The following PLIN5 variants were observed in gnomAD, a reference collection of about 807,000 sequenced individuals.
PLIN5 encodes perilipin-5.
PLIN5 carries 34 observed loss-of-function variants against 32.8 expected under a neutral mutation model. That is an observed-to-expected ratio of 1.04 (90% CI 0.79 to 1.38). The LOEUF (loss-of-function observed/expected upper bound fraction) is 1.38. Among genes scored for constraint, PLIN5 ranks in the 40% most tolerant of loss-of-function variants. PLIN5 has a pLI of 0.00. For missense variants in PLIN5, 712 were observed against 660.5 expected (o/e 1.08, Z -0.85); for synonymous variants, 309 against 292.9 (o/e 1.05, Z -0.56).
chr19:4,532,670 A>T (rs764118503), intron 2 of PLIN5: 4 of 151,726 alleles, frequency 2.6e-5, no homozygotes, highest in South Asian at 2.1e-4. Context: ...CCTGGTCACA[A>T]TTTTTTTGTT....
intron 5 of PLIN5, 137 bp downstream of exon 5, chr19:4,528,936 A>C: frequency 7.8e-6 from 7 of 897,584 alleles, no homozygotes; most frequent in Non-Finnish European, 1.2e-5. Flanking sequence ...GAGGGAGGAC[A>C]GGCCTGGTTT....
At chr19:4,534,434 G>C (rs554433039) in intron 1 of PLIN5, among the ~76,000 whole-genome samples, 1 of 152,108 alleles carries the variant, frequency 6.6e-6, no homozygotes, top group Non-Finnish European at 1.5e-5. Flanking sequence ...GAGCAGTGGC[G>C]CCATCCCAGC....
At chr19:4,533,339 G>GC (rs773511555) in intron 2 of PLIN5, 2 of 152,412 alleles carry the variant, frequency 1.3e-5, no homozygotes, top group Non-Finnish European at 2.9e-5. Flanking sequence ...CAGTTGATCT[G>GC]CCCGCTTGGC....
intron 7 of PLIN5, 35 bp from the exon 8 acceptor site, chr19:4,524,120 A>G: frequency 2.2e-6 from 3 of 1,390,226 alleles, no homozygotes; most frequent in Non-Finnish European, 2.8e-6. Context: ...TCCCCTATGG[A>G]CGCCCAGGAG....
rs1294672712 is a variant in PLIN5, at chr19:4,523,484, G to A, written c.*44C>T. 2.0e-6 allele frequency: 3 copies of A among 1,513,526 alleles called. No homozygotes were observed. The highest frequency in any genetic ancestry group is 2.7e-6 in the Non-Finnish European group (3 of 1,127,796). The allele number at this position is 1,513,526 out of a possible 1,614,324, so 93.8% of individuals were successfully genotyped here. A position where few individuals can be genotyped will look rare whatever the true frequency, so the allele number is the denominator to read the frequency against. On this transcript the variant is annotated 3_prime_UTR_variant, in exon 8 of 8. Coordinates refer to ENST00000381848, the MANE Select transcript of PLIN5 (RefSeq NM_001013706.3). This position sits in a 1 kb window ranked among gnomAD's most constrained non-coding sequence, Gnocchi z 5.0. ...GCCACCAGGGGGCAGCAGGGATCGG[G>A]GTGTGCAGGTGGCCTTTCCTCCCCG...
chr19:4,526,972 C>T (rs1323079739), intron 5 of PLIN5, among the ~76,000 whole-genome samples: 1 of 149,916 alleles, frequency 6.7e-6, no homozygotes, highest in East Asian at 2.0e-4. Context: ...CACAGCGGCT[C>T]ACGCCTGTAA....
chr19:4,525,962 A>T lies in PLIN5; in HGVS notation c.521-130T>A. ...CAGGATACGGGGACAGCACGGGGAC[A>T]GCATGGGGTCAGCACAGCCACCCAC... is the stretch of plus-strand genomic sequence containing the variant. On this transcript the variant is annotated intron_variant, in intron 5 of 7. Coordinates refer to ENST00000381848, the MANE Select transcript of PLIN5 (RefSeq NM_001013706.3). This position sits in a 1 kb window ranked among gnomAD's most constrained non-coding sequence, Gnocchi z 5.6. 1.1e-6 allele frequency: 1 copy of T among 875,684 alleles called. No homozygotes were observed. Among genetic ancestry groups the T allele is most frequent in the African/African-American group, 1.6e-5 (1 of 64,128 alleles). 54.2% of individuals were successfully genotyped at this position (875,684 alleles called of 1,614,324 possible). A position where few individuals can be genotyped will look rare whatever the true frequency, so the allele number is the denominator to read the frequency against.
At chr19:4,527,637 A>AC (rs910790505) in intron 5 of PLIN5, among the ~76,000 whole-genome samples, 1 of 149,566 alleles carries the variant, frequency 6.7e-6, no homozygotes, top group Non-Finnish European at 1.5e-5. Context: ...CAGGTGGCTC[A>AC]CCTGAGGTCA....
Position 4,523,891 on chromosome 19 carries a change from C to G in PLIN5, c.1029G>C (p.Ala343=). The part of the protein sequence containing the change: ...ARCFRDVPAA[A]LAEGRGRVAH... The stretch of plus-strand genomic sequence containing the variant: ...CCACGCGACCCCGGCCCTCGGCCAG[C>G]GCGGCCGCTGGCACGTCCCTGAAGC... The change falls in exon 8 of 8, where the codon GCG becomes GCC. Residue 343 remains alanine (A), a synonymous_variant. Transcript: ENST00000381848. This position sits in a 1 kb window ranked among gnomAD's most constrained non-coding sequence, Gnocchi z 5.0. The G allele has an allele frequency of 6.6e-7, 1 of 1,515,044 alleles. No homozygotes were observed. Among genetic ancestry groups the G allele is most frequent in the Non-Finnish European group, 8.8e-7 (1 of 1,142,096 alleles). 93.9% of individuals were successfully genotyped at this position (1,515,044 alleles called of 1,614,324 possible). A position where few individuals can be genotyped will look rare whatever the true frequency, so the allele number is the denominator to read the frequency against.
chr19:4,523,395 A>G lies in PLIN5; in HGVS notation c.*133T>C, dbSNP rs1976754636. On this transcript the variant is annotated 3_prime_UTR_variant, in exon 8 of 8. Transcript: ENST00000381848. This position sits in a 1 kb window ranked among gnomAD's most constrained non-coding sequence, Gnocchi z 5.0. ...AGAGTCCAATACCAAAAAGGTGGTC[A>G]GAGATCCGGAGTTGGGCCTGATTCC... is the stretch of plus-strand genomic sequence containing the variant. The G allele has an allele frequency of 9.5e-7, 1 of 1,051,298 alleles. No individual in the cohort carries two copies. Among genetic ancestry groups the G allele is most frequent in the Non-Finnish European group, 1.3e-6 (1 of 755,576 alleles). The allele number at this position is 1,051,298 out of a possible 1,614,324, so 65.1% of individuals were successfully genotyped here. A position where few individuals can be genotyped will look rare whatever the true frequency, so the allele number is the denominator to read the frequency against.
chr19:4,525,720 C>G lies in PLIN5; in HGVS notation c.633G>C (p.Leu211=). ...GTTTCCCCACAGAGTGCTCGTAGGC[C>G]AGGTGGCGGATCCGTGCTGACAGGG... ...LGSLSARIRH[L]AYEHSVGKLR... Residue 211 remains leucine, a synonymous_variant, in exon 6 of 8, where the codon CTG becomes CTC. Coordinates refer to ENST00000381848, the MANE Select transcript of PLIN5 (RefSeq NM_001013706.3). The surrounding 1 kb of genome is among the most constrained non-coding windows in gnomAD (Gnocchi z 5.6). 2 of 1,613,748 alleles carry G rather than the reference C, an allele frequency of 1.2e-6. No individual in the cohort carries two copies. Among genetic ancestry groups the G allele is most frequent in the Non-Finnish European group, 1.7e-6 (2 of 1,180,038 alleles).
intron 5 of PLIN5, chr19:4,528,583 T>C (rs1976837789): frequency 6.6e-6 from 1 of 152,488 alleles, no homozygotes; most frequent in African/African-American, 2.4e-5. Context: ...TAATTTTTTG[T>C]ATTTTTAGTA....
intron 5 of PLIN5, among the ~76,000 whole-genome samples, chr19:4,527,145 G>T (rs189943076): frequency 1.3e-5 from 2 of 151,476 alleles, no homozygotes; most frequent in African/African-American, 4.8e-5. Flanking sequence ...GCGCAATCTC[G>T]GCTCACTGCA....
chr19:4,523,147 A>T lies in PLIN5; in HGVS notation c.*381T>A, dbSNP rs1475864579. 9 of 176,898 alleles carry T rather than the reference A, an allele frequency of 5.1e-5. No homozygotes were observed. The highest frequency in any genetic ancestry group is 2.5e-4 in the Admixed American group (4 of 15,842). The allele number at this position is 176,898 out of a possible 1,614,324, so 11.0% of individuals were successfully genotyped here. ...ATCATGTTGGCCAGGATGATCCCGAACTCCTGACTTCAGATGATCCACCTG... is the reference window on the plus strand; with the variant it reads ...ATCATGTTGGCCAGGATGATCCCGATCTCCTGACTTCAGATGATCCACCTG... On this transcript the variant is annotated 3_prime_UTR_variant, in exon 8 of 8. Transcript: ENST00000381848. The surrounding 1 kb of genome is among the most constrained non-coding windows in gnomAD (Gnocchi z 5.0).
At chr19:4,526,084 C>G (rs993490660) in intron 5 of PLIN5, among the ~76,000 whole-genome samples, 4 of 152,140 alleles carry the variant, frequency 2.6e-5, no homozygotes, top group Non-Finnish European at 5.9e-5. Flanking sequence ...TGGTCTTCCC[C>G]AAACCCTAAG....
At chr19:4,531,917 G>C (rs943432611) in intron 2 of PLIN5, 95 bp from the exon 3 acceptor site, 1 of 1,300,116 alleles carries the variant, frequency 7.7e-7, no homozygotes, top group Non-Finnish European at 1.0e-6. Flanking sequence ...GACGAGGGAT[G>C]GGAGAGTGGA....
At chr19:4,529,317 G>A in intron 4 of PLIN5, 64 bp from the exon 5 acceptor site, 1 of 1,500,726 alleles carries the variant, frequency 6.7e-7, no homozygotes, top group Non-Finnish European at 9.0e-7. Flanking sequence ...TGCCACCCTA[G>A]TTCCCTGGGG....
chr19:4,531,811 C>T lies in PLIN5; in HGVS notation c.72G>A (p.Gln24=). The T allele has an allele frequency of 6.4e-7, 1 of 1,560,234 alleles. No individual in the cohort carries two copies. The highest frequency in any genetic ancestry group is 1.4e-5 in the African/African-American group (1 of 73,858). The stretch of plus-strand genomic sequence containing the variant: ...TGACCAGGGGCAGAGCCACCACACG[C>T]TGCACCACGTTCTGCGGGAAGGGTC... ...VWEQDQQNVV[Q]RVVALPLVRA... is the part of the protein sequence containing the mutation. Residue 24 remains glutamine (Q), a synonymous_variant, in exon 3 of 8, where the codon CAG becomes CAA. Transcript: ENST00000381848.
rs1207512312 is a variant in PLIN5, at chr19:4,524,047, G to A, written c.873C>T (p.Thr291=). Reference sequence around the variant, plus strand: ...CCTCTACCGTGCCCTGCAGCTCCTGGGTCAGGCTGCGGGACAGCACCAGCG... The same window carrying A: ...CCTCTACCGTGCCCTGCAGCTCCTGAGTCAGGCTGCGGGACAGCACCAGCG... ...LETLVLSRSL[T]QELQGTVEAL... The change falls in exon 8 of 8, where the codon ACC becomes ACT. Residue 291 remains threonine (T), a synonymous_variant. Transcript: ENST00000381848. 3 of 1,476,006 alleles carry A rather than the reference G, an allele frequency of 2.0e-6. No individual in the cohort carries two copies. The highest frequency in any genetic ancestry group is 2.7e-6 in the Non-Finnish European group (3 of 1,122,554). The allele number at this position is 1,476,006 out of a possible 1,614,324, so 91.4% of individuals were successfully genotyped here. A position where few individuals can be genotyped will look rare whatever the true frequency, so the allele number is the denominator to read the frequency against.
Sources: allele counts gnomAD v4.1 joint callset (sites outside exome capture counted in the v4.1 genomes callset), GRCh38; gene constraint gnomAD v4.1.1; non-coding constraint Gnocchi (gnomAD v3.1); transcripts MANE v1.5; gene names NCBI Gene and HGNC (gene_info 2026-07-23, HGNC 2026-07-21).